Variants in CELF1 observed in about 807,000 individuals in gnomAD.
The protein encoded by CELF1 is 50 kDa nuclear polyadenylated RNA-binding protein.
Under a neutral mutation model 61.8 loss-of-function variants are expected in CELF1, and 10 were observed. The observed-to-expected ratio is 0.16, with a 90% confidence interval of 0.10 to 0.27. CELF1 has a LOEUF of 0.27. Ranked by LOEUF, CELF1 falls within the 10% of genes least tolerant of loss-of-function variation. The probability of loss-of-function intolerance (pLI) is 1.00; values close to 1 mark genes in which losing one functional copy is unlikely to be tolerated. For synonymous variants in CELF1, 236 were observed against 225.1 expected (o/e 1.05, Z -0.43); for missense variants, 380 against 639.1 (o/e 0.59, Z 4.37).
chr11:47,545,519 G>A (rs1043884822), intron 1 of CELF1, among the ~76,000 whole-genome samples: 6 of 152,044 alleles, frequency 3.9e-5, no homozygotes, highest in Non-Finnish European at 7.4e-5. Flanking sequence ...GTTATTAAGA[G>A]GTTATTAAGA....
At chr11:47,532,125 G>A (rs1389876736) in intron 1 of CELF1, among the ~76,000 whole-genome samples, 1 of 151,972 alleles carries the variant, frequency 6.6e-6, no homozygotes, top group Non-Finnish European at 1.5e-5. Flanking sequence ...TCGCCTCCCA[G>A]GTTCAAGCGA....
chr11:47,473,257 A>AAT (rs2078445940), intron 13 of CELF1, 26 bp from the exon 14 acceptor site: 1 of 1,607,528 alleles, frequency 6.2e-7, no homozygotes, highest in African/African-American at 1.3e-5. Flanking sequence ...GAATTGGAAA[A>AAT]GTATCAGTGT....
At chr11:47,486,552 G>A (rs1419197583) in intron 6 of CELF1, among the ~76,000 whole-genome samples, 198 bp downstream of exon 6, 1 of 151,990 alleles carries the variant, frequency 6.6e-6, no homozygotes, top group Non-Finnish European at 1.5e-5. Context: ...TGGGATTACA[G>A]GCATGCACAA....
upstream of CELF1, among the ~76,000 whole-genome samples, chr11:47,553,816 A>ATTT (rs1316390265): frequency 4.6e-4 from 54 of 116,540 alleles, no homozygotes; most frequent in African/African-American, 1.2e-3. Context: ...ATATATATAT[A>ATTT]TATTTTTTTT....
rs1423109523 is a variant in CELF1, at chr11:47,466,319, C to G, written c.*5911G>C. On this transcript the variant is annotated 3_prime_UTR_variant, in exon 15 of 15. Coordinates refer to ENST00000687097, the MANE Select transcript of CELF1 (RefSeq NM_001376376.1). The stretch of plus-strand genomic sequence containing the variant: ...ACAGGAAAGAAAGGAAAAGCTCAAA[C>G]AAGATAAAGGAAAAGCATTTCTACG... 1 of 152,116 alleles carries G rather than the reference C, an allele frequency of 6.6e-6. No homozygotes were observed. Among genetic ancestry groups the G allele is most frequent in the African/African-American group, 2.4e-5 (1 of 41,412 alleles). The allele number at this position is 152,116 out of a possible 1,614,324, so 9.4% of individuals were successfully genotyped here. A position where few individuals can be genotyped will look rare whatever the true frequency, so the allele number is the denominator to read the frequency against.
intron 11 of CELF1, 79 bp downstream of exon 11, chr11:47,477,218 C>A: frequency 6.7e-7 from 1 of 1,499,868 alleles, no homozygotes; most frequent in Non-Finnish European, 9.1e-7. Flanking sequence ...TAACTATTTT[C>A]CCTCTCTGGA....
chr11:47,493,513 G>GAAAAAAAAAA, intron 3 of CELF1, among the ~76,000 whole-genome samples: 1 of 84,912 alleles, frequency 1.2e-5, no homozygotes, highest in Non-Finnish European at 2.3e-5. Flanking sequence ...ATCTCAAAAA[G>GAAAAAAAAAA]AAAAAAAAAA....
At chr11:47,538,597 C>G (rs1337353835) in intron 1 of CELF1, among the ~76,000 whole-genome samples, 2 of 147,204 alleles carry the variant, frequency 1.4e-5, no homozygotes, top group Non-Finnish European at 3.0e-5. Context: ...GAGCCGAGAT[C>G]GCGCCACTGC....
chr11:47,545,867 C>CTGTGTG (rs761587800), intron 1 of CELF1, among the ~76,000 whole-genome samples: 5,793 of 121,498 alleles, frequency 0.048, 225 homozygotes, highest in South Asian at 0.074. Context: ...GTGTGTGTGT[C>CTGTGTG]TGCGTGTGTG....
At chr11:47,506,900 A>G (rs558611878) in intron 1 of CELF1, 7 of 152,304 alleles carry the variant, frequency 4.6e-5, no homozygotes, top group Admixed American at 1.3e-4. Flanking sequence ...TCTTCACTCT[A>G]AAAAACCAAG....
intron 7 of CELF1, 151 bp downstream of exon 7, chr11:47,484,238 C>T (rs2085251347): frequency 1.4e-6 from 1 of 740,204 alleles, no homozygotes; most frequent in South Asian, 1.8e-5. Context: ...GAGGCTGATC[C>T]TGGGAGGTTC....
intron 1 of CELF1, among the ~76,000 whole-genome samples, chr11:47,539,531 A>G (rs934502774): frequency 2.0e-5 from 3 of 152,168 alleles, no homozygotes; most frequent in African/African-American, 7.2e-5. Context: ...GGTGGCACAC[A>G]CCTGTAATCC....
At chr11:47,483,797 A>T (rs914879162) in intron 7 of CELF1, among the ~76,000 whole-genome samples, 1 of 152,222 alleles carries the variant, frequency 6.6e-6, no homozygotes, top group Non-Finnish European at 1.5e-5. Flanking sequence ...ATGGAAGAAG[A>T]AAGTATTTCC....
upstream of CELF1, chr11:47,557,465 C>T (rs1292346737): frequency 7.3e-6 from 1 of 137,622 alleles, no homozygotes; most frequent in African/African-American, 2.7e-5. Flanking sequence ...GATCCACCCG[C>T]CTTGGCCTCC....
In CELF1 at chr11:47,476,960, C is replaced by T. The variant is rs768016223; in HGVS notation, c.974-1G>A. 6.2e-7 allele frequency: 1 copy of T among 1,612,018 alleles called. No individual in the cohort carries two copies. Among genetic ancestry groups the T allele is most frequent in the South Asian group, 1.1e-5 (1 of 91,034 alleles). On this transcript the variant is annotated splice_acceptor_variant, in intron 11 of 14. Transcript: ENST00000687097. LOFTEE classifies it high-confidence loss of function. ...CTGCTAGAGCTAGGTGAGGACCCTG[C>T]TATTAGAAAGCAAGGAGTTAAAATT...
chr11:47,494,574 C>G, intron 3 of CELF1: 1 of 837,264 alleles, frequency 1.2e-6, no homozygotes, highest in Non-Finnish European at 1.4e-6. Flanking sequence ...TTCTTTTCCC[C>G]TCTCAAAATT....
chr11:47,537,245 A>AT (rs544458768), intron 1 of CELF1, among the ~76,000 whole-genome samples: 2,773 of 134,094 alleles, frequency 0.021, 40 homozygotes, highest in Middle Eastern at 0.031. Flanking sequence ...TACCATACAA[A>AT]TTTTTTTTTT....
intron 1 of CELF1, among the ~76,000 whole-genome samples, chr11:47,543,679 C>G (rs553210163): frequency 1.3e-5 from 2 of 152,210 alleles, no homozygotes; most frequent in East Asian, 3.9e-4. Context: ...GAGGCTGAGA[C>G]AGGAGGACTG....
chr11:47,474,468 A>C (rs78091665), intron 13 of CELF1, among the ~76,000 whole-genome samples: 2 of 152,002 alleles, frequency 1.3e-5, no homozygotes, highest in African/African-American at 2.4e-5. Context: ...GACACTCCCT[A>C]TCTCTCTTCC....
Sources: allele counts gnomAD v4.1 joint callset (sites outside exome capture counted in the v4.1 genomes callset), GRCh38; gene constraint gnomAD v4.1.1; transcripts MANE v1.5; gene names NCBI Gene and HGNC (gene_info 2026-07-23, HGNC 2026-07-21).